WWOX: variants seen among roughly 807,000 people sequenced by gnomAD.
WWOX encodes the protein WW domain containing oxidoreductase, also known as WW domain-containing oxidoreductase.
WWOX carries 69 observed loss-of-function variants against 46.2 expected under a neutral mutation model. That is an observed-to-expected ratio of 1.49 (90% CI 1.23 to 1.82). WWOX has a LOEUF of 1.82. WWOX is among the 40% of genes most tolerant of loss of function. The probability of loss-of-function intolerance (pLI) is 0.00; values close to 1 mark genes in which losing one functional copy is unlikely to be tolerated. For missense variants in WWOX, 919 were observed against 542.6 expected, an observed-to-expected ratio of 1.69 and a Z score of -6.89; for synonymous variants, 359 against 202.6, an observed-to-expected ratio of 1.77 and a Z score of -6.56.
At chr16:78,424,550 T>A (rs1396599167) in intron 6 of WWOX, among the ~76,000 whole-genome samples, 1 of 152,174 alleles carries the variant, frequency 6.6e-6, no homozygotes, top group Non-Finnish European at 1.5e-5. Flanking sequence ...TGAACCTGAG[T>A]TCCAACTAGG....
In WWOX at chr16:79,066,811, A is replaced by G. The variant is rs548570063; in HGVS notation, c.1057-144797A>G. 1.4e-4 allele frequency among the ~76,000 whole-genome samples: 21 copies of G among 152,256 alleles called. 1 individual carries two copies. In the South Asian group the frequency reaches 3.5e-3, roughly 26 times the overall value. ...TCCAGGTCAAACGAGGTACCATACA[A>G]ATGTGGCTTGTCACCATTTTCCAGT... On this transcript the variant is annotated intron_variant, in intron 8 of 8. Coordinates refer to ENST00000566780, the MANE Select transcript of WWOX (RefSeq NM_016373.4).
chr16:78,779,120 G>C lies in WWOX; in HGVS notation c.1056+346368G>C, dbSNP rs58252257. On this transcript the variant is annotated intron_variant, in intron 8 of 8. Coordinates refer to ENST00000566780, the MANE Select transcript of WWOX (RefSeq NM_016373.4). Reference sequence around the variant, plus strand: ...CTCTCTTCTACATATCTCAGTGTTGGAAAACATAAATGTGACTCCAACTTG... The same window carrying C: ...CTCTCTTCTACATATCTCAGTGTTGCAAAACATAAATGTGACTCCAACTTG... Among the ~76,000 whole-genome samples the C allele has an allele frequency of 3.3e-5, 5 of 152,118 alleles. No homozygotes were observed. The East Asian group carries it at 5.8e-4, about 18-fold the overall frequency.
intron 8 of WWOX, among the ~76,000 whole-genome samples, chr16:78,465,151 A>G (rs1042212543): frequency 1.1e-4 from 16 of 152,300 alleles, no homozygotes; most frequent in Middle Eastern, 3.4e-3. Flanking sequence ...ACCATGACAC[A>G]TGGGAGTTCT....
At chr16:78,450,541 C>T (rs759027052) in intron 8 of WWOX, among the ~76,000 whole-genome samples, 6 of 152,160 alleles carry the variant, frequency 3.9e-5, no homozygotes, top group Non-Finnish European at 5.9e-5. Flanking sequence ...GTATCAACTA[C>T]TGAGACCTGC....
At chr16:79,062,184 C>A (rs73570880) in intron 8 of WWOX, among the ~76,000 whole-genome samples, 120 of 152,230 alleles carry the variant, frequency 7.9e-4, no homozygotes, top group African/African-American at 2.7e-3. Flanking sequence ...GTTGGGGAGA[C>A]TGGGGAGAGG....
intron 8 of WWOX, among the ~76,000 whole-genome samples, chr16:78,922,699 T>C (rs1182862604): frequency 6.6e-6 from 1 of 151,890 alleles, no homozygotes. Flanking sequence ...TTTTTTAATT[T>C]GGAAAGGATT....
At chr16:78,445,490 C>T (rs141252801) in intron 8 of WWOX, among the ~76,000 whole-genome samples, 15 of 152,262 alleles carry the variant, frequency 9.9e-5, no homozygotes, top group African/African-American at 3.4e-4. Context: ...AGATGATAGG[C>T]ATGGAAATGA....
At chr16:78,184,456 G>A (rs538598666) in intron 5 of WWOX, among the ~76,000 whole-genome samples, 9 of 151,944 alleles carry the variant, frequency 5.9e-5, no homozygotes, top group African/African-American at 1.5e-4. Context: ...AATCATAAGC[G>A]TTTTATGATT....
chr16:79,029,506 A>G (rs1027929238), intron 8 of WWOX, among the ~76,000 whole-genome samples: 1 of 152,206 alleles, frequency 6.6e-6, no homozygotes, highest in Non-Finnish European at 1.5e-5. Flanking sequence ...ATCTTGGGGC[A>G]GTGAGGACTT....
chr16:78,808,906 C>T (rs748085527), intron 8 of WWOX, among the ~76,000 whole-genome samples: 5 of 152,102 alleles, frequency 3.3e-5, no homozygotes, highest in African/African-American at 4.8e-5. Flanking sequence ...ATCTAAATTC[C>T]GTTAGGCCAT....
chr16:78,777,637 A>C (rs1488107478), intron 8 of WWOX, among the ~76,000 whole-genome samples: 1 of 152,172 alleles, frequency 6.6e-6, no homozygotes, highest in African/African-American at 2.4e-5. Context: ...TGCAATAGTC[A>C]AAAAAGACCT....
chr16:78,723,632 T>C (rs866518279), intron 8 of WWOX, among the ~76,000 whole-genome samples: 78 of 115,048 alleles, frequency 6.8e-4, no homozygotes, highest in African/African-American at 2.8e-3. Flanking sequence ...CTTTTCTTTT[T>C]TCTTTTCTTT....
chr16:79,028,381 A>T (rs532153718), intron 8 of WWOX, among the ~76,000 whole-genome samples: 2 of 152,024 alleles, frequency 1.3e-5, no homozygotes, highest in East Asian at 1.9e-4. Context: ...CAGTCCAGAC[A>T]TTCTACCTAT....
At chr16:79,195,318 G>C (rs952359822) in intron 8 of WWOX, among the ~76,000 whole-genome samples, 2 of 152,072 alleles carry the variant, frequency 1.3e-5, no homozygotes, top group African/African-American at 2.4e-5. Flanking sequence ...TGCTGTGGGA[G>C]ATGCGAATGC....
intron 8 of WWOX, among the ~76,000 whole-genome samples, chr16:79,066,552 A>G (rs976753302): frequency 1.3e-5 from 2 of 152,208 alleles, no homozygotes; most frequent in Non-Finnish European, 2.9e-5. Context: ...ATTTCCAGGA[A>G]GCCTCATTGG....
chr16:78,397,105 T>G (rs892618778), intron 6 of WWOX, among the ~76,000 whole-genome samples: 2 of 152,212 alleles, frequency 1.3e-5, no homozygotes, highest in Non-Finnish European at 2.9e-5. Context: ...ATTTCAATTC[T>G]TTGAAGAAAC....
chr16:78,597,349 T>C (rs910552765), intron 8 of WWOX, among the ~76,000 whole-genome samples: 3 of 152,204 alleles, frequency 2.0e-5, no homozygotes, highest in East Asian at 3.8e-4. Flanking sequence ...CCATATGCAC[T>C]GCTGATTCAT....
chr16:78,973,723 G>A (rs1009904474), intron 8 of WWOX, among the ~76,000 whole-genome samples: 1 of 152,082 alleles, frequency 6.6e-6, no homozygotes, highest in African/African-American at 2.4e-5. Flanking sequence ...TGAGTAATTT[G>A]TTCCCAGAGA....
chr16:78,118,042 TTTC>T (rs1405075914), intron 4 of WWOX, among the ~76,000 whole-genome samples: 34 of 143,822 alleles, frequency 2.4e-4, no homozygotes, highest in African/African-American at 5.7e-4. Flanking sequence ...TCTTTCTTTC[TTTC>T]TTTTTTTTTT....
Sources: gnomAD v4.1 joint callset for allele counts (sites outside exome capture counted in the v4.1 genomes callset) on GRCh38, gnomAD v4.1.1 for gene constraint, MANE v1.5 for transcripts, NCBI Gene and HGNC (gene_info 2026-07-23, HGNC 2026-07-21) for gene names.